SNTB1: variants seen among roughly 807,000 people sequenced by gnomAD.
SNTB1 encodes beta-1-syntrophin.
In SNTB1, 36 loss-of-function variants were observed where a neutral mutation model predicts 48.9. The ratio of observed to expected loss-of-function variants is 0.74; its 90% CI spans 0.56 to 0.97. The LOEUF (loss-of-function observed/expected upper bound fraction) is 0.97, where lower values mean the gene tolerates loss of function less well. SNTB1 is among the 50% of genes least tolerant of loss of function. SNTB1 has a pLI of 0.00. For missense variants in SNTB1, 786 were observed against 703.4 expected (o/e 1.12, Z -1.33); for synonymous variants, 299 against 294.6 (o/e 1.01, Z -0.15).
intron 2 of SNTB1, among the ~76,000 whole-genome samples, chr8:120,633,929 C>T (rs1043857000): frequency 6.6e-6 from 1 of 152,010 alleles, no homozygotes; most frequent in Non-Finnish European, 1.5e-5. Flanking sequence ...ATGTATAGTT[C>T]TATGCCATTT....
intron 1 of SNTB1, among the ~76,000 whole-genome samples, chr8:120,703,911 T>G (rs1009621582): frequency 6.6e-6 from 1 of 152,240 alleles, no homozygotes; most frequent in African/African-American, 2.4e-5. Context: ...GTAGGCATAC[T>G]ATTACGCCTA....
At chr8:120,603,809 G>T (rs1816465195) in intron 3 of SNTB1, among the ~76,000 whole-genome samples, 1 of 152,166 alleles carries the variant, frequency 6.6e-6, no homozygotes. Flanking sequence ...TTCAGTTCAT[G>T]ATCAATTCAC....
At chr8:120,603,621 G>A (rs2130721998) in intron 3 of SNTB1, among the ~76,000 whole-genome samples, 1 of 152,238 alleles carries the variant, frequency 6.6e-6, no homozygotes, top group Non-Finnish European at 1.5e-5. Context: ...GTTCCAACAA[G>A]TCCTCCAGGC....
In SNTB1 at chr8:120,693,719, C is replaced by A; in HGVS notation, c.761G>T (p.Ser254Ile). 2 of 1,613,992 alleles carry A rather than the reference C, an allele frequency of 1.2e-6. No homozygotes were observed. The highest frequency in any genetic ancestry group is 1.7e-6 in the Non-Finnish European group (2 of 1,179,962). ...GTTCTCAGGGTCGGCCAAGGCCATA[C>A]TCCGAGTGACGTAGCACATTTTGAG... ...IPLKMCYVTRSMALADPENRQ... is the reference protein window; with the variant it reads ...IPLKMCYVTRIMALADPENRQ... The change falls in exon 2 of 7, where the codon AGT (serine) becomes ATT (isoleucine). Residue 254 changes from serine (S) to isoleucine (I), a missense_variant. Physicochemically the swap from Ser to Ile is moderately radical, Grantham distance 142 (BLOSUM62 -2). Coordinates refer to ENST00000517992, the MANE Select transcript of SNTB1 (RefSeq NM_021021.4).
At chr8:120,626,712 G>A (rs1384875989) in intron 3 of SNTB1, among the ~76,000 whole-genome samples, 7 of 152,002 alleles carry the variant, frequency 4.6e-5, no homozygotes, top group Admixed American at 2.0e-4. Context: ...AATGATGTGA[G>A]CTATCTTTGA....
intron 3 of SNTB1, among the ~76,000 whole-genome samples, chr8:120,610,480 T>C (rs1194207446): frequency 6.6e-6 from 1 of 152,242 alleles, no homozygotes; most frequent in African/African-American, 2.4e-5. Context: ...TTAATCATCT[T>C]ATAAACCTGG....
intron 1 of SNTB1, among the ~76,000 whole-genome samples, chr8:120,776,092 A>G (rs1040441288): frequency 1.3e-5 from 2 of 152,232 alleles, no homozygotes; most frequent in African/African-American, 4.8e-5. Flanking sequence ...TACTGGGTAT[A>G]TACCCAAAGG....
chr8:120,684,858 G>A lies in SNTB1; in HGVS notation c.788+8834C>T, dbSNP rs551947321. 3.2e-4 allele frequency among the ~76,000 whole-genome samples: 48 copies of A among 152,174 alleles called. No individual in the cohort carries two copies. In the South Asian group the frequency reaches 8.1e-3, roughly 26 times the overall value. On this transcript the variant is annotated intron_variant, in intron 2 of 6. Transcript: ENST00000517992. ...TTTAGTAGAGATGGAGTTTCACCAC[G>A]TTGGCCAGGCTGGTCTTGAACTCCT...
At chr8:120,553,144 G>A (rs77431557) in intron 4 of SNTB1, among the ~76,000 whole-genome samples, 286 of 152,244 alleles carry the variant, frequency 1.9e-3, no homozygotes, top group African/African-American at 6.3e-3. Context: ...CTGGGTCTTG[G>A]GGACTCCTGT....
chr8:120,545,950 T>C (rs1193809079), intron 5 of SNTB1, among the ~76,000 whole-genome samples: 1 of 152,226 alleles, frequency 6.6e-6, no homozygotes, highest in Non-Finnish European at 1.5e-5. Context: ...GTAGGTCTTA[T>C]TACTTTCTCC....
intron 3 of SNTB1, among the ~76,000 whole-genome samples, chr8:120,625,194 C>T (rs1816854534): frequency 6.6e-6 from 1 of 152,202 alleles, no homozygotes; most frequent in African/African-American, 2.4e-5. Flanking sequence ...AACTCTGTTG[C>T]ATTAAGGACT....
At chr8:120,722,522 C>A (rs1159835346) in intron 1 of SNTB1, among the ~76,000 whole-genome samples, 1 of 152,134 alleles carries the variant, frequency 6.6e-6, no homozygotes, top group Non-Finnish European at 1.5e-5. Flanking sequence ...TTTCATGTGT[C>A]TTTCGGCTGC....
chr8:120,564,056 A>G (rs1379111817), intron 4 of SNTB1, among the ~76,000 whole-genome samples: 1 of 151,808 alleles, frequency 6.6e-6, no homozygotes, highest in Non-Finnish European at 1.5e-5. Context: ...TGCAGTGAGC[A>G]GATATTATGC....
intron 4 of SNTB1, among the ~76,000 whole-genome samples, chr8:120,550,156 T>C (rs796483763): frequency 5.9e-5 from 9 of 152,336 alleles, no homozygotes; most frequent in South Asian, 2.1e-4. Flanking sequence ...TTTCTTTTAC[T>C]TACAAAGTTA....
At chr8:120,777,961 A>G (rs1361244266) in intron 1 of SNTB1, among the ~76,000 whole-genome samples, 1 of 152,190 alleles carries the variant, frequency 6.6e-6, no homozygotes, top group Non-Finnish European at 1.5e-5. Flanking sequence ...GGTTAGACTG[A>G]TGTTTCTCTG....
intron 2 of SNTB1, among the ~76,000 whole-genome samples, chr8:120,693,408 T>C (rs919239852): frequency 9.2e-5 from 14 of 152,346 alleles, no homozygotes; most frequent in African/African-American, 2.9e-4. Flanking sequence ...AAATGTGGCC[T>C]AAGTCACATG....
intron 2 of SNTB1, among the ~76,000 whole-genome samples, chr8:120,659,109 G>A (rs748492412): frequency 2.6e-5 from 4 of 151,722 alleles, no homozygotes; most frequent in South Asian, 2.1e-4. Flanking sequence ...GACTATAGGC[G>A]CACGCCACCA....
chr8:120,777,306 T>C (rs551754603), intron 1 of SNTB1, among the ~76,000 whole-genome samples: 2 of 152,340 alleles, frequency 1.3e-5, no homozygotes, highest in East Asian at 3.9e-4. Context: ...TACAAGTATC[T>C]GTTCCCCACC....
intron 1 of SNTB1, among the ~76,000 whole-genome samples, chr8:120,756,367 G>A (rs567916906): frequency 3.3e-5 from 5 of 152,234 alleles, no homozygotes; most frequent in African/African-American, 1.2e-4. Context: ...AGCGATGGAT[G>A]GACAGCTAAG....
Sources: gnomAD v4.1 joint callset for allele counts (sites outside exome capture counted in the v4.1 genomes callset) on GRCh38, gnomAD v4.1.1 for gene constraint, MANE v1.5 for transcripts, NCBI Gene and HGNC (gene_info 2026-07-23, HGNC 2026-07-21) for gene names.